Variants in EIF4G3 observed in about 807,000 individuals in gnomAD.
EIF4G3 encodes eIF-4-gamma 3.
A neutral mutation model predicts 186.4 loss-of-function variants in EIF4G3; 34 were observed. The observed-to-expected ratio is 0.18, with a 90% CI of 0.14 to 0.24. The LOEUF is 0.24. Among genes scored for constraint, EIF4G3 ranks in the 10% least tolerant of loss-of-function variants. The probability of loss-of-function intolerance (pLI) is 1.00; values close to 1 mark genes in which losing one functional copy is unlikely to be tolerated. For missense variants in EIF4G3, 1,536 were observed against 1,948.5 expected (o/e 0.79, Z 3.99); for synonymous variants, 673 against 679.5 (o/e 0.99, Z 0.15).
rs74882408 is a variant in EIF4G3, at chr1:21,036,335, T to C, written c.-67+14531A>G. On this transcript the variant is annotated intron_variant, in intron 4 of 36. Transcript: ENST00000602326. ...CTCAGTAAAGCTCCTCTTCATCTTG[T>C]ACACTCTACACTTGTCTGCATACCT... Among the ~76,000 whole-genome samples the C allele has an allele frequency of 6.2e-3, 939 of 152,220 alleles. 8 individuals are homozygous for C. Among genetic ancestry groups the C allele is most frequent in the African/African-American group, 0.022 (904 of 41,542 alleles).
At chr1:21,034,375 T>C (rs767598615) in intron 4 of EIF4G3, among the ~76,000 whole-genome samples, 7 of 152,242 alleles carry the variant, frequency 4.6e-5, no homozygotes, top group Non-Finnish European at 1.0e-4. Context: ...TGTTTTATTC[T>C]ACATTACGAC....
chr1:21,171,526 T>C (rs1043864067), intron 2 of EIF4G3, among the ~76,000 whole-genome samples: 9 of 152,334 alleles, frequency 5.9e-5, no homozygotes, highest in Admixed American at 3.3e-4. Context: ...AAGTAGCTTA[T>C]ATGAGCAAAC....
rs149515236 is a variant in EIF4G3 at position 21,131,761 on chromosome 1, C to T, written c.-271-42548G>A. Among the ~76,000 whole-genome samples the T allele has an allele frequency of 2.0e-5, 3 of 152,052 alleles. No individual in the cohort carries two copies. The South Asian group carries it at 6.2e-4, about 32-fold the overall frequency. ...CTTTTGGCTGGAGGATAGCTTGAGC[C>T]GAGAAGTTTGAGACTAGCCTAGCCA... is the stretch of plus-strand genomic sequence containing the variant. On this transcript the variant is annotated intron_variant, in intron 2 of 36. Transcript: ENST00000602326.
intron 4 of EIF4G3, among the ~76,000 whole-genome samples, chr1:21,021,173 A>G (rs911532431): frequency 1.3e-5 from 2 of 152,102 alleles, no homozygotes; most frequent in Admixed American, 6.5e-5. Flanking sequence ...TAGTAGACAC[A>G]GTGTTTTGCC....
intron 10 of EIF4G3, among the ~76,000 whole-genome samples, chr1:20,974,008 CTCTT>C (rs1260780475): frequency 6.6e-6 from 1 of 152,136 alleles, no homozygotes; most frequent in East Asian, 1.9e-4. Flanking sequence ...TCAAGGAAAA[CTCTT>C]TCAGTTTTAT....
intron 7 of EIF4G3, among the ~76,000 whole-genome samples, chr1:20,996,456 G>A (rs2082303372): frequency 6.6e-6 from 1 of 152,190 alleles, no homozygotes. Flanking sequence ...CTCCTGCAAA[G>A]TACCTTTAAT....
At chr1:20,937,638 TAATAA>T (rs764666282) in intron 14 of EIF4G3, among the ~76,000 whole-genome samples, 3 of 152,108 alleles carry the variant, frequency 2.0e-5, no homozygotes, top group Non-Finnish European at 4.4e-5. Context: ...CAGGTAAAAA[TAATAA>T]AATAAAAAAG....
chr1:20,896,744 G>GT (rs1382081868), intron 16 of EIF4G3, among the ~76,000 whole-genome samples: 4 of 152,220 alleles, frequency 2.6e-5, no homozygotes, highest in East Asian at 3.9e-4. Context: ...TCCATTCATG[G>GT]TAAGTGCCCT....
intron 8 of EIF4G3, among the ~76,000 whole-genome samples, chr1:20,981,681 T>TAC (rs2078244141): frequency 9.1e-6 from 1 of 109,374 alleles, no homozygotes; most frequent in Non-Finnish European, 2.0e-5. Context: ...ACTGTATGTA[T>TAC]ACATACATGT....
chr1:20,861,138 T>A (rs1464849381), intron 23 of EIF4G3, among the ~76,000 whole-genome samples: 1 of 152,244 alleles, frequency 6.6e-6, no homozygotes, highest in Non-Finnish European at 1.5e-5. Flanking sequence ...ATATAAGTGG[T>A]TGATAACATG....
intron 2 of EIF4G3, among the ~76,000 whole-genome samples, chr1:21,119,398 C>T (rs1045361786): frequency 2.0e-5 from 3 of 151,818 alleles, no homozygotes; most frequent in South Asian, 2.1e-4. Context: ...AAAATGACTA[C>T]GGAGAATAAA....
intron 2 of EIF4G3, among the ~76,000 whole-genome samples, chr1:21,158,730 T>C (rs937074151): frequency 7.1e-6 from 1 of 140,388 alleles, no homozygotes; most frequent in Admixed American, 7.2e-5. Context: ...CACACGTACA[T>C]ACATATACAT....
At chr1:20,921,136 T>C (rs1378748756) in intron 14 of EIF4G3, among the ~76,000 whole-genome samples, 1 of 152,158 alleles carries the variant, frequency 6.6e-6, no homozygotes, top group Admixed American at 6.5e-5. Context: ...AAATATACCA[T>C]ATGCATAAAG....
rs185970958 is a variant in EIF4G3 at position 21,088,285 on chromosome 1, T to C, written c.-196+853A>G. Among the ~76,000 whole-genome samples the C allele has an allele frequency of 8.6e-5, 13 of 152,006 alleles. No individual in the cohort carries two copies. In the East Asian group the frequency reaches 2.3e-3, roughly 27 times the overall value. On this transcript the variant is annotated intron_variant, in intron 3 of 36. Transcript: ENST00000602326. ...AAAGAACAAAATTAGCAGGGCATGG[T>C]GGCACACGCCTATAATCCCAGCTAC...
rs900784164 is a variant in EIF4G3 at position 20,899,877 on chromosome 1, C to G, written c.1819G>C (p.Gly607Arg). ...LESEQDKMSQ[G>R]FHPERDPSDL... is the part of the protein sequence containing the mutation. ...GAGGGGTCTCTTTCAGGATGAAACCCCTGGCTCATTTTATCTTGTTCAGAT... is the reference window on the plus strand; with the variant it reads ...GAGGGGTCTCTTTCAGGATGAAACCGCTGGCTCATTTTATCTTGTTCAGAT... Residue 607 changes from glycine to arginine, a missense_variant, in exon 16 of 37, where the codon GGG becomes CGG. Gly to Arg is a moderately radical substitution (Grantham distance 125). Transcript: ENST00000602326. 6 of 1,614,008 alleles carry G rather than the reference C, an allele frequency of 3.7e-6. No homozygotes were observed. Among genetic ancestry groups the G allele is most frequent in the Non-Finnish European group, 4.2e-6 (5 of 1,179,978 alleles).
chr1:20,885,052 G>T (rs2083663087), intron 19 of EIF4G3, among the ~76,000 whole-genome samples: 1 of 152,116 alleles, frequency 6.6e-6, no homozygotes, highest in Non-Finnish European at 1.5e-5. Context: ...TCACAATAGG[G>T]TTCCACTCCT....
At chr1:20,933,658 G>T (rs1182448763) in intron 14 of EIF4G3, among the ~76,000 whole-genome samples, 3 of 151,324 alleles carry the variant, frequency 2.0e-5, no homozygotes, top group African/African-American at 7.3e-5. Flanking sequence ...TCTATCTTGT[G>T]GGGGGAAAAA....
rs570800846 is a variant in EIF4G3 at position 20,954,463 on chromosome 1, G to C, written c.715-4352C>G. 3.7e-4 allele frequency among the ~76,000 whole-genome samples: 56 copies of C among 151,038 alleles called. No individual in the cohort carries two copies. The South Asian group carries it at 5.9e-3, about 16-fold the overall frequency. ...AGGCAGGAGAATTGCTTGAACTCGGGGGGTGGAGGTTGCAGTGAGCCGAGA... is the reference window on the plus strand; with the variant it reads ...AGGCAGGAGAATTGCTTGAACTCGGCGGGTGGAGGTTGCAGTGAGCCGAGA... On this transcript the variant is annotated intron_variant, in intron 12 of 36. Coordinates refer to ENST00000602326, the MANE Select transcript of EIF4G3 (RefSeq NM_001391906.1).
chr1:21,171,689 G>A (rs765642490), intron 2 of EIF4G3, among the ~76,000 whole-genome samples: 1 of 152,060 alleles, frequency 6.6e-6, no homozygotes, highest in Non-Finnish European at 1.5e-5. Flanking sequence ...AATCTCAAAA[G>A]ACAATCATAA....
Sources: allele counts gnomAD v4.1 joint callset (sites outside exome capture counted in the v4.1 genomes callset), GRCh38; gene constraint gnomAD v4.1.1; transcripts MANE v1.5; gene names NCBI Gene and HGNC (gene_info 2026-07-23, HGNC 2026-07-21).